CPNE8: variants seen among roughly 807,000 people sequenced by gnomAD.
The protein encoded by CPNE8 is copine 8.
A neutral mutation model predicts 81.5 loss-of-function variants in CPNE8; 45 were observed. The ratio of observed to expected loss-of-function variants is 0.55; its 90% CI spans 0.44 to 0.71. The LOEUF (loss-of-function observed/expected upper bound fraction) is 0.71. CPNE8 is among the 30% of genes least tolerant of loss of function. CPNE8 has a pLI of 0.00. For missense variants in CPNE8, 594 were observed against 672.1 expected (o/e 0.88, Z 1.28); for synonymous variants, 252 against 226.3 (o/e 1.11, Z -1.02).
intron 6 of CPNE8, among the ~76,000 whole-genome samples, chr12:38,825,730 T>G (rs949321059): frequency 1.3e-5 from 2 of 152,208 alleles, no homozygotes; most frequent in Admixed American, 6.5e-5. Flanking sequence ...CTAGAGTTTT[T>G]CATTAAAGCC....
At chr12:38,797,250 T>C (rs1018258528) in intron 6 of CPNE8, among the ~76,000 whole-genome samples, 3 of 152,188 alleles carry the variant, frequency 2.0e-5, no homozygotes, top group African/African-American at 7.2e-5. Context: ...CCTCCTCAAC[T>C]GCGTCCCTGA....
At position 38,746,262 on chromosome 12, in the gene CPNE8, G is replaced by A. The variant is rs941067103; in HGVS notation, c.722+14585C>T. 2.6e-5 allele frequency among the ~76,000 whole-genome samples: 4 copies of A among 152,156 alleles called. 1 individual carries two copies. Among genetic ancestry groups the A allele is most frequent in the African/African-American group, 2.4e-5 (1 of 41,506 alleles). On this transcript the variant is annotated intron_variant, in intron 10 of 19. Transcript: ENST00000331366. ...AGGTGATAAGATTACCTAAAGTCAC[G>A]AATATGCTAATCAATGAAGTATTTT...
chr12:38,710,894 C>A (rs546008039), intron 13 of CPNE8, among the ~76,000 whole-genome samples: 1 of 152,270 alleles, frequency 6.6e-6, no homozygotes, highest in East Asian at 1.9e-4. Flanking sequence ...AATTCTTTCC[C>A]ACTCTACTAC....
Position 38,665,985 on chromosome 12 carries a change from GATA to G in CPNE8, c.1506+4741_1506+4743del, listed in dbSNP as rs1242099122. Among the ~76,000 whole-genome samples, 6 of 152,278 alleles carry G rather than the reference GATA, an allele frequency of 3.9e-5. No individual in the cohort carries two copies. In the East Asian group the frequency reaches 5.8e-4, roughly 15 times the overall value. On this transcript the variant is annotated intron_variant, in intron 19 of 19. Transcript: ENST00000331366. ...CTGGACTGTACCAATGTACTGTACT[GATA>G]ATAACGCATTTATTGAGCAACTGGT...
At chr12:38,716,799 T>A (rs1310325063) in intron 13 of CPNE8, among the ~76,000 whole-genome samples, 2 of 151,950 alleles carry the variant, frequency 1.3e-5, no homozygotes, top group African/African-American at 4.8e-5. Flanking sequence ...CAGACCTAAT[T>A]AAACCAAAAA....
At chr12:38,752,146 C>T (rs1046801594) in intron 10 of CPNE8, among the ~76,000 whole-genome samples, 1 of 152,162 alleles carries the variant, frequency 6.6e-6, no homozygotes, top group East Asian at 1.9e-4. Flanking sequence ...GAAATTCATT[C>T]GTTCTAGTGA....
intron 19 of CPNE8, among the ~76,000 whole-genome samples, chr12:38,665,813 TTAAG>T (rs1283099878): frequency 6.6e-6 from 1 of 152,178 alleles, no homozygotes; most frequent in East Asian, 1.9e-4. Context: ...TTATTTGTGA[TTAAG>T]TCTCATTGCC....
Position 38,730,277 on chromosome 12 carries a change from T to G in CPNE8, c.798+6A>C. 1 of 1,521,770 alleles carries G rather than the reference T, an allele frequency of 6.6e-7. No homozygotes were observed. The highest frequency in any genetic ancestry group is 9.1e-7 in the Non-Finnish European group (1 of 1,099,162). 94.3% of individuals were successfully genotyped at this position (1,521,770 alleles called of 1,614,324 possible). On this transcript the variant is annotated splice_donor_region_variant and intron_variant, in intron 11 of 19. Coordinates refer to ENST00000331366, the MANE Select transcript of CPNE8 (RefSeq NM_153634.3). ...AAAAACAATGGTAAAATAAAATGCC[T>G]CTTACCTCATATACGTTGAATTGTG...
intron 19 of CPNE8, among the ~76,000 whole-genome samples, chr12:38,655,739 G>A (rs554681333): frequency 6.6e-6 from 1 of 152,200 alleles, no homozygotes; most frequent in African/African-American, 2.4e-5. Flanking sequence ...ATTAGGTATA[G>A]TGCCTTTTAT....
chr12:38,900,144 A>T (rs1430596435), intron 1 of CPNE8, among the ~76,000 whole-genome samples: 1 of 150,098 alleles, frequency 6.7e-6, no homozygotes, highest in East Asian at 2.0e-4. Flanking sequence ...GCTCCAGCAC[A>T]CCATCAAAAA....
chr12:38,808,605 G>GCAC (rs1219002285), intron 6 of CPNE8, among the ~76,000 whole-genome samples: 2 of 120,286 alleles, frequency 1.7e-5, no homozygotes, highest in Admixed American at 9.8e-5. Context: ...GACTGTTGTG[G>GCAC]GGTGGGGGGA....
At chr12:38,880,535 A>G (rs1944137463) in intron 1 of CPNE8, among the ~76,000 whole-genome samples, 1 of 152,208 alleles carries the variant, frequency 6.6e-6, no homozygotes, top group African/African-American at 2.4e-5. Flanking sequence ...GAGTGACAGC[A>G]TCACTGAGCC....
At chr12:38,814,282 G>A (rs1462135936) in intron 6 of CPNE8, among the ~76,000 whole-genome samples, 1 of 141,782 alleles carries the variant, frequency 7.1e-6, no homozygotes, top group Non-Finnish European at 1.5e-5. Context: ...TAAAAAAACT[G>A]AAGAAAGTTT....
intron 18 of CPNE8, among the ~76,000 whole-genome samples, chr12:38,675,282 A>T (rs1939262814): frequency 6.6e-6 from 1 of 152,208 alleles, no homozygotes; most frequent in African/African-American, 2.4e-5. Flanking sequence ...TTAGCATATT[A>T]TGCTTATGTT....
intron 1 of CPNE8, among the ~76,000 whole-genome samples, chr12:38,893,573 C>G (rs1371702351): frequency 6.6e-6 from 1 of 152,190 alleles, no homozygotes; most frequent in Non-Finnish European, 1.5e-5. Flanking sequence ...GCTGCTCTGC[C>G]TATGGGTTAG....
chr12:38,823,188 A>G (rs1216418386), intron 6 of CPNE8, among the ~76,000 whole-genome samples: 1 of 151,968 alleles, frequency 6.6e-6, no homozygotes, highest in Non-Finnish European at 1.5e-5. Flanking sequence ...AGTCCCCTCA[A>G]ACACTATTCT....
chr12:38,788,017 T>C (rs552818532), intron 6 of CPNE8, among the ~76,000 whole-genome samples: 8 of 131,712 alleles, frequency 6.1e-5, no homozygotes, highest in African/African-American at 2.2e-4. Flanking sequence ...GCTTCACTGA[T>C]AAATTCCACC....
At chr12:38,730,216 C>T (rs917472216) in intron 11 of CPNE8, 67 bp downstream of exon 11, 7 of 964,882 alleles carry the variant, frequency 7.3e-6, no homozygotes, top group Middle Eastern at 2.1e-4. Flanking sequence ...TTTGCAGAAT[C>T]CACACTTTTA....
intron 19 of CPNE8, among the ~76,000 whole-genome samples, chr12:38,658,741 T>C (rs1269718509): frequency 1.3e-5 from 2 of 152,298 alleles, no homozygotes; most frequent in South Asian, 2.1e-4. Context: ...TGGGGACCAA[T>C]ATTCAACATT....
Sources: allele counts gnomAD v4.1 joint callset (sites outside exome capture counted in the v4.1 genomes callset), GRCh38; gene constraint gnomAD v4.1.1; transcripts MANE v1.5; gene names NCBI Gene and HGNC (gene_info 2026-07-23, HGNC 2026-07-21).